TRAK1: variants seen among roughly 807,000 people sequenced by gnomAD.
TRAK1 encodes trafficking kinesin protein 1.
In TRAK1, 33 loss-of-function variants were observed where a neutral mutation model predicts 92.1. The ratio of observed to expected loss-of-function variants is 0.36; its 90% CI spans 0.27 to 0.48. The LOEUF (loss-of-function observed/expected upper bound fraction) is 0.48, where lower values mean the gene tolerates loss of function less well. Among genes scored for constraint, TRAK1 ranks in the 20% least tolerant of loss-of-function variants. TRAK1 has a pLI of 0.99. For missense variants in TRAK1, 1,123 were observed against 1,257.9 expected (o/e 0.89, Z 1.62); for synonymous variants, 521 against 517.3 (o/e 1.01, Z -0.10).
intron 2 of TRAK1, among the ~76,000 whole-genome samples, chr3:42,151,048 T>G (rs1316881209): frequency 1.3e-5 from 2 of 152,224 alleles, no homozygotes; most frequent in Non-Finnish European, 2.9e-5. Flanking sequence ...TATAACTTTT[T>G]AAAGTAAGGG....
chr3:42,073,931 A>G (rs1192485202), intron 1 of TRAK1, among the ~76,000 whole-genome samples: 1 of 152,184 alleles, frequency 6.6e-6, no homozygotes, highest in Admixed American at 6.5e-5. Flanking sequence ...TAGCTGGAGT[A>G]TGCATATTTC....
At chr3:42,151,578 TCATACTCC>T (rs1699955847) in intron 2 of TRAK1, 1 of 298,598 alleles carries the variant, frequency 3.3e-6, no homozygotes, top group African/African-American at 2.3e-5. Context: ...ACTGGTATTT[TCATACTCC>T]CATTTAAAGA....
At chr3:42,160,383 G>A (rs1369777987) in intron 2 of TRAK1, 12 of 1,614,072 alleles carry the variant, frequency 7.4e-6, no homozygotes, top group African/African-American at 5.3e-5. Context: ...AGACAAGGGC[G>A]GGGAAGAAGA....
chr3:42,076,135 C>T (rs191030162), intron 1 of TRAK1, among the ~76,000 whole-genome samples: 6 of 149,790 alleles, frequency 4.0e-5, no homozygotes, highest in African/African-American at 9.8e-5. Flanking sequence ...TGTGACTGCA[C>T]GCAGCCTCCT....
At chr3:42,082,442 T>TG (rs1704480715), upstream of TRAK1, among the ~76,000 whole-genome samples, 1 of 96,944 alleles carries the variant, frequency 1.0e-5, no homozygotes, top group East Asian at 2.5e-4. Context: ...TTATCAAAAA[T>TG]AAAAAATTAG....
rs140007459 is a variant in TRAK1, at chr3:42,064,069, A to G, written c.-518-23035A>G. Among the ~76,000 whole-genome samples, 75 of 152,318 alleles carry G rather than the reference A, an allele frequency of 4.9e-4. 2 individuals are homozygous for G. The East Asian group carries it at 0.013, about 27-fold the overall frequency. On this transcript the variant is annotated intron_variant, in intron 1 of 16. Coordinates refer to the TRAK1 transcript ENST00000487159. ...TCCCTTTCAGAGCACTAGAGATGGG[A>G]GGGAACCCATTTTACATGCCCAGCC... is the stretch of plus-strand genomic sequence containing the variant.
At chr3:42,191,354 G>A (rs1253165863) in intron 6 of TRAK1, among the ~76,000 whole-genome samples, 1 of 152,222 alleles carries the variant, frequency 6.6e-6, no homozygotes, top group Non-Finnish European at 1.5e-5. Context: ...CGTTTTTCAG[G>A]TTTTCAGCTT....
At position 42,125,583 on chromosome 3, in the gene TRAK1, C is replaced by G. The variant is rs144787494; in HGVS notation, c.255C>G (p.Thr85=). The part of the protein sequence containing the change: ...ISPDANIDLT[T]EQIEETLKYF... Reference sequence around the variant, plus strand: ...CAGATGCCAACATTGACCTCACAACCGAGCAAATTGAAGAGACGTTAAAAT... The same window carrying G: ...CAGATGCCAACATTGACCTCACAACGGAGCAAATTGAAGAGACGTTAAAAT... Residue 85 remains threonine (T), a synonymous_variant, in exon 2 of 16, where the codon ACC becomes ACG. Coordinates refer to ENST00000327628, the MANE Select transcript of TRAK1 (RefSeq NM_001042646.3). 6.2e-7 allele frequency: 1 copy of G among 1,614,066 alleles called. No individual in the cohort carries two copies. Among genetic ancestry groups the G allele is most frequent in the African/African-American group, 1.3e-5 (1 of 74,942 alleles).
At chr3:42,083,731 C>G (rs574043319), upstream of TRAK1, among the ~76,000 whole-genome samples, 1 of 151,856 alleles carries the variant, frequency 6.6e-6, no homozygotes, top group South Asian at 2.1e-4. Flanking sequence ...AAAAATTAGC[C>G]GGGTATGGTG....
chr3:42,209,405 CCCTT>C (rs1410423214), intron 13 of TRAK1, among the ~76,000 whole-genome samples: 1 of 152,104 alleles, frequency 6.6e-6, no homozygotes, highest in African/African-American at 2.4e-5. Context: ...GCCATTTTCC[CCCTT>C]CCATTTTGTA....
chr3:42,220,294 G>T (rs1269726181), intron 15 of TRAK1, among the ~76,000 whole-genome samples: 1 of 152,194 alleles, frequency 6.6e-6, no homozygotes, highest in East Asian at 1.9e-4. Context: ...GGGAGGACTT[G>T]TCTGGTGTGA....
intron 1 of TRAK1, among the ~76,000 whole-genome samples, chr3:42,124,443 A>G (rs1274964807): frequency 6.6e-6 from 1 of 152,218 alleles, no homozygotes; most frequent in Non-Finnish European, 1.5e-5. Flanking sequence ...TTCTGCTTTG[A>G]TGAGTAAGCA....
chr3:42,099,676 A>G lies in TRAK1; in HGVS notation c.91+8116A>G, dbSNP rs148624008. Among the ~76,000 whole-genome samples, 1,110 of 152,230 alleles carry G rather than the reference A, an allele frequency of 7.3e-3. 11 individuals are homozygous for G. Among genetic ancestry groups the G allele is most frequent in the African/African-American group, 0.023 (952 of 41,536 alleles). On this transcript the variant is annotated intron_variant, in intron 1 of 15. Coordinates refer to ENST00000327628, the MANE Select transcript of TRAK1 (RefSeq NM_001042646.3). ...GAATTCTGTTCACTTTCCCAAACCA[A>G]CATGTTCGGTTTCAGCTTATCTCAT...
At chr3:42,024,123 A>G (rs1022545082) in intron 1 of TRAK1, among the ~76,000 whole-genome samples, 1 of 151,946 alleles carries the variant, frequency 6.6e-6, no homozygotes, top group Admixed American at 6.6e-5. Flanking sequence ...TCGAAGAGGG[A>G]TAGGAGTTTG....
intron 1 of TRAK1, among the ~76,000 whole-genome samples, chr3:42,033,206 C>G (rs1380939569): frequency 2.0e-5 from 3 of 152,052 alleles, no homozygotes; most frequent in Non-Finnish European, 2.9e-5. Context: ...AGTCTGTGAC[C>G]CCTCCTCCTT....
chr3:42,120,630 C>T lies in TRAK1; in HGVS notation c.92-4790C>T, dbSNP rs571963279. ...TGATCTCAGCTCACTGCAACCTGAC[C>T]TCCGCCTCCCAGGTTCAAGTGATTC... On this transcript the variant is annotated intron_variant, in intron 1 of 15. Coordinates refer to ENST00000327628, the MANE Select transcript of TRAK1 (RefSeq NM_001042646.3). Among the ~76,000 whole-genome samples, 5 of 152,208 alleles carry T rather than the reference C, an allele frequency of 3.3e-5. No individual in the cohort carries two copies. In the South Asian group the frequency reaches 1.0e-3, roughly 32 times the overall value.
intron 2 of TRAK1, among the ~76,000 whole-genome samples, chr3:42,132,275 T>G (rs889886242): frequency 1.3e-5 from 2 of 151,622 alleles, no homozygotes; most frequent in Admixed American, 6.6e-5. Context: ...GTATTTTTTT[T>G]TTTTGAGTCA....
chr3:42,197,002 TCACACACACACACACACA>T (rs773977076), intron 10 of TRAK1, among the ~76,000 whole-genome samples: 9 of 103,606 alleles, frequency 8.7e-5, no homozygotes, highest in African/African-American at 2.9e-4. Flanking sequence ...TCTCTCTCTC[TCACACACACACACACACA>T]CACACACACA....
chr3:42,205,036 A>G (rs1708166308), intron 13 of TRAK1, among the ~76,000 whole-genome samples: 2 of 152,194 alleles, frequency 1.3e-5, no homozygotes, highest in African/African-American at 4.8e-5. Flanking sequence ...CATTAGATAA[A>G]TCACCCCACT....
Sources: gnomAD v4.1 joint callset for allele counts (sites outside exome capture counted in the v4.1 genomes callset) on GRCh38, gnomAD v4.1.1 for gene constraint, MANE v1.5 for transcripts, NCBI Gene and HGNC (gene_info 2026-07-23, HGNC 2026-07-21) for gene names.